The following QTRT1 variants were observed in gnomAD, a reference collection of about 807,000 sequenced individuals.
QTRT1 encodes the protein queuine tRNA-ribosyltransferase catalytic subunit 1, also known as TGT, 43-KD subunit.
A neutral mutation model predicts 44.0 loss-of-function variants in QTRT1; 41 were observed. The ratio of observed to expected loss-of-function variants is 0.93; its 90% confidence interval spans 0.73 to 1.21. The LOEUF is 1.21. QTRT1 is among the 50% of genes most tolerant of loss of function. The pLI, the probability that QTRT1 is intolerant of heterozygous loss-of-function variation, is 0.00. For missense variants in QTRT1, 542 were observed against 575.8 expected (o/e 0.94, Z 0.60); for synonymous variants, 226 against 237.1 (o/e 0.95, Z 0.43).
intron 3 of QTRT1, 87 bp from the exon 4 acceptor site, chr19:10,707,215 G>A (rs1478143485): frequency 1.5e-6 from 2 of 1,348,884 alleles, no homozygotes; most frequent in Non-Finnish European, 2.1e-6. Flanking sequence ...ATGCTCTTGG[G>A]GAAGTCCAAC....
At chr19:10,710,397 A>G (rs910642612) in intron 5 of QTRT1, among the ~76,000 whole-genome samples, 4 of 151,778 alleles carry the variant, frequency 2.6e-5, no homozygotes, top group East Asian at 2.0e-4. Flanking sequence ...GCTCACTGCA[A>G]CCTCTGCCTT....
At chr19:10,711,861 C>T (rs2068740118) in intron 5 of QTRT1, 2 of 509,350 alleles carry the variant, frequency 3.9e-6, no homozygotes, top group Non-Finnish European at 7.1e-6. Flanking sequence ...AGCTAAGGGA[C>T]TGTGGGCTGT....
chr19:10,709,636 C>T (rs1262515666), intron 5 of QTRT1, among the ~76,000 whole-genome samples: 8 of 152,222 alleles, frequency 5.3e-5, no homozygotes, highest in East Asian at 1.9e-4. Flanking sequence ...TCATTGAGGT[C>T]GGGAGATCGA....
intron 5 of QTRT1, chr19:10,709,429 T>C (rs2068728857): frequency 2.0e-5 from 3 of 152,104 alleles, no homozygotes; most frequent in Admixed American, 6.6e-5. Context: ...AAAAAGAGAA[T>C]TGGGCCAGGC....
Position 10,702,145 on chromosome 19 carries a change from G to C in QTRT1, c.342G>C (p.Leu114=). The C allele has an allele frequency of 1.2e-6, 2 of 1,614,158 alleles. No homozygotes were observed. The highest frequency in any genetic ancestry group is 3.3e-4 in the Middle Eastern group (2 of 6,062). The change falls in exon 3 of 10, where the codon CTG becomes CTC. Residue 114 remains leucine, a synonymous_variant. Coordinates refer to ENST00000250237, the MANE Select transcript of QTRT1 (RefSeq NM_031209.3). ...TDSGGFQMVS[L]VSLSEVTEEG... ...GCGGCGGTTTCCAGATGGTGTCGCT[G>C]GTGTCTCTGTCCGAGGTGACGGAGG...
intron 1 of QTRT1, 115 bp from the exon 2 acceptor site, chr19:10,701,835 C>T (rs2068690476): frequency 1.9e-6 from 3 of 1,572,810 alleles, no homozygotes; most frequent in Admixed American, 3.4e-5. Context: ...AATGACCAGG[C>T]CTTGTACTGG....
rs757623844 is a variant in QTRT1 at position 10,712,177 on chromosome 19, C to G, written c.663C>G (p.Asp221Glu). 1 of 1,613,216 alleles carries G rather than the reference C, an allele frequency of 6.2e-7. No homozygotes were observed. Among genetic ancestry groups the G allele is most frequent in the South Asian group, 1.1e-5 (1 of 91,028 alleles). The change falls in exon 6 of 10, where the codon GAC becomes GAG. Residue 221 changes from aspartate to glutamate, a missense_variant. By Grantham distance (45) the Asp-to-Glu change is conservative. Transcript: ENST00000250237. The surrounding 1 kb of genome is among the most constrained non-coding windows in gnomAD (Gnocchi z 5.6). ...ATCLEEMTKR[D>E]VPGFAIGGLS... The stretch of plus-strand genomic sequence containing the variant: ...TACCCTCAGAGATGACCAAGCGAGA[C>G]GTGCCTGGCTTCGCCATCGGGGGCC...
chr19:10,709,611 G>C (rs1284898706), intron 5 of QTRT1, among the ~76,000 whole-genome samples: 3 of 152,220 alleles, frequency 2.0e-5, no homozygotes, highest in African/African-American at 7.2e-5. Context: ...ACTTTGGGAG[G>C]CTGAGGCGGG....
chr19:10,711,049 G>T (rs571182565), intron 5 of QTRT1: 1 of 152,074 alleles, frequency 6.6e-6, no homozygotes, highest in Non-Finnish European at 1.5e-5. Flanking sequence ...TTTAAGCCCC[G>T]CATGCGTTAT....
chr19:10,704,913 G>A (rs951725991), intron 3 of QTRT1, among the ~76,000 whole-genome samples: 28 of 148,068 alleles, frequency 1.9e-4, no homozygotes, highest in African/African-American at 6.1e-4. Flanking sequence ...AATGAATGTC[G>A]TAATTTTTTT....
chr19:10,707,409 AT>A, intron 4 of QTRT1, 29 bp downstream of exon 4: 1 of 1,612,240 alleles, frequency 6.2e-7, no homozygotes, highest in Non-Finnish European at 8.5e-7. Flanking sequence ...CATGTGTGGG[AT>A]ATGTGGTGGG....
Position 10,712,998 on chromosome 19 carries a change from G to A in QTRT1, c.1017G>A (p.Thr339=), listed in dbSNP as rs202055397. 3.7e-6 allele frequency: 6 copies of A among 1,612,040 alleles called. No homozygotes were observed. Among genetic ancestry groups the A allele is most frequent in the African/African-American group, 2.7e-5 (2 of 75,020 alleles). ...FLHALLHSDN[T]AALHHLTVHN... is the part of the protein sequence containing the mutation. ...ACGCACTGCTGCACAGTGACAACAC[G>A]GCCGCGCTGCACCACCTCACGGTCC... Residue 339 remains threonine, a synonymous_variant, in exon 9 of 10, where the codon ACG becomes ACA. Coordinates refer to ENST00000250237, the MANE Select transcript of QTRT1 (RefSeq NM_031209.3). This position sits in a 1 kb window ranked among gnomAD's most constrained non-coding sequence, Gnocchi z 5.6.
Position 10,701,534 on chromosome 19 carries a change from G to T in QTRT1, c.74G>T (p.Arg25Leu). Residue 25 changes from arginine to leucine, a missense_variant, in exon 1 of 10, where the codon CGC (arginine) becomes CTC (leucine). By Grantham distance (102) the Arg-to-Leu change is moderately radical (BLOSUM62 -2). Coordinates refer to ENST00000250237, the MANE Select transcript of QTRT1 (RefSeq NM_031209.3). ...ATGCGGCTGGTGGCCGAATGCAGCC[G>T]CTCCAGGGCCCGGGCAGGCGAGCTG... ...RIMRLVAECS[R>L]SRARAGELWL... 1.3e-6 allele frequency: 2 copies of T among 1,596,738 alleles called. No individual in the cohort carries two copies.
At chr19:10,708,539 G>C (rs1204734842) in intron 5 of QTRT1, among the ~76,000 whole-genome samples, 2 of 152,102 alleles carry the variant, frequency 1.3e-5, no homozygotes, top group Non-Finnish European at 2.9e-5. Context: ...AGTTTGACAA[G>C]CACCGCCCCA....
chr19:10,705,835 CTGTTCTTT>C (rs1159029857), intron 3 of QTRT1, among the ~76,000 whole-genome samples: 22 of 119,580 alleles, frequency 1.8e-4, no homozygotes, highest in African/African-American at 5.7e-4. Context: ...CAGGCCTGGC[CTGTTCTTT>C]TTTTTTTTTT....
rs553198610 is a variant in QTRT1, at chr19:10,713,168, G to A, written c.1110G>A (p.Pro370=). The A allele has an allele frequency of 1.6e-5, 25 of 1,609,578 alleles. No individual in the cohort carries two copies. The highest frequency in any genetic ancestry group is 6.7e-5 in the African/African-American group (5 of 74,992). Residue 370 remains proline, a synonymous_variant, in exon 10 of 10, where the codon CCG becomes CCA. Transcript: ENST00000250237. The surrounding 1 kb of genome is among the most constrained non-coding windows in gnomAD (Gnocchi z 4.3). ...VRTSIVEKRF[P]DFVRDFMGAM... ...CCAGCATCGTGGAGAAGCGCTTCCC[G>A]GACTTCGTGCGGGACTTCATGGGCG...
In QTRT1 at chr19:10,712,906, AG is replaced by A. The variant is rs1354552680; in HGVS notation, c.971+43del. 5 of 1,612,524 alleles carry A rather than the reference AG, an allele frequency of 3.1e-6. No homozygotes were observed. In the African/African-American group the frequency reaches 4.0e-5, roughly 13 times the overall value. On this transcript the variant is annotated intron_variant, in intron 8 of 9. Transcript: ENST00000250237. The surrounding 1 kb of genome is among the most constrained non-coding windows in gnomAD (Gnocchi z 5.6). ...CACTGGGAGCTGGGGCAGGGCATGG[AG>A]GGGACAGGGCCTGGCCGTGCTGAGC...
intron 2 of QTRT1, 24 bp from the exon 3 acceptor site, chr19:10,702,092 G>A: frequency 6.2e-7 from 1 of 1,614,142 alleles, no homozygotes; most frequent in Non-Finnish European, 8.5e-7. Context: ...CCCCCTGACA[G>A]CTTTGCGGTG....
chr19:10,711,309 C>CCAAA (rs2068737974), intron 5 of QTRT1: 1 of 151,560 alleles, frequency 6.6e-6, no homozygotes, highest in Non-Finnish European at 1.5e-5. Context: ...GTAGCTGGGA[C>CCAAA]TGCGGGTGCC....
Sources: allele counts gnomAD v4.1 joint callset (sites outside exome capture counted in the v4.1 genomes callset), GRCh38; gene constraint gnomAD v4.1.1; non-coding constraint Gnocchi (gnomAD v3.1); transcripts MANE v1.5; gene names NCBI Gene and HGNC (gene_info 2026-07-23, HGNC 2026-07-21).